NBEA: variants seen among roughly 807,000 people sequenced by gnomAD.
NBEA encodes neurobeachin, also known as lysosomal-trafficking regulator 2.
In NBEA, 44 loss-of-function variants were observed where a neutral mutation model predicts 343.4. The ratio of observed to expected loss-of-function variants is 0.13; its 90% CI spans 0.10 to 0.16. The LOEUF is 0.16. Ranked by LOEUF, NBEA falls within the 10% of genes least tolerant of loss-of-function variation. The probability of loss-of-function intolerance (pLI) is 1.00; values close to 1 mark genes in which losing one functional copy is unlikely to be tolerated. For synonymous variants in NBEA, 1,175 were observed against 1,238.7 expected (o/e 0.95, Z 1.08); for missense variants, 2,555 against 3,631.3 (o/e 0.70, Z 7.62).
intron 39 of NBEA, among the ~76,000 whole-genome samples, chr13:35,451,521 C>G (rs557003685): frequency 1.3e-5 from 2 of 152,280 alleles, no homozygotes; most frequent in South Asian, 2.1e-4. Flanking sequence ...TGTGAAGAAG[C>G]TTTTATGTCT....
At chr13:35,250,993 A>T (rs769795320) in intron 34 of NBEA, 1 of 153,890 alleles carries the variant, frequency 6.5e-6, no homozygotes, top group Non-Finnish European at 1.4e-5. Flanking sequence ...TCTAACGTTC[A>T]TGGGGGATGC....
chr13:35,511,999 C>T (rs986442090), intron 41 of NBEA, among the ~76,000 whole-genome samples: 15 of 152,088 alleles, frequency 9.9e-5, no homozygotes, highest in African/African-American at 2.4e-4. Flanking sequence ...ACTTTGTTTG[C>T]TTAAAGTATG....
intron 11 of NBEA, among the ~76,000 whole-genome samples, chr13:35,100,392 G>A (rs1481040421): frequency 1.3e-5 from 2 of 151,848 alleles, no homozygotes; most frequent in South Asian, 4.1e-4. Flanking sequence ...AAGAACTTAA[G>A]GTCCTTTGGC....
At chr13:35,385,331 T>A (rs1014980577) in intron 38 of NBEA, among the ~76,000 whole-genome samples, 1 of 152,186 alleles carries the variant, frequency 6.6e-6, no homozygotes. Context: ...GCATTTTGCT[T>A]CCACCTGGTT....
intron 41 of NBEA, among the ~76,000 whole-genome samples, chr13:35,499,487 A>G (rs1312401198): frequency 2.0e-5 from 3 of 152,034 alleles, no homozygotes; most frequent in Non-Finnish European, 1.5e-5. Context: ...CATGTGGGGA[A>G]TAATAGTAGA....
chr13:35,555,674 A>G (rs2079542357), intron 44 of NBEA, among the ~76,000 whole-genome samples: 2 of 152,120 alleles, frequency 1.3e-5, no homozygotes, highest in African/African-American at 4.8e-5. Context: ...GTGGTTAAAC[A>G]TGTCTATGAG....
intron 49 of NBEA, among the ~76,000 whole-genome samples, chr13:35,635,773 A>G (rs937218566): frequency 6.6e-6 from 1 of 152,248 alleles, no homozygotes; most frequent in Non-Finnish European, 1.5e-5. Flanking sequence ...AATGACACAC[A>G]TTTAATTTTG....
intron 41 of NBEA, among the ~76,000 whole-genome samples, chr13:35,535,176 C>A (rs1375545024): frequency 2.6e-5 from 4 of 152,150 alleles, no homozygotes; most frequent in African/African-American, 9.7e-5. Flanking sequence ...TACAGTTAAA[C>A]TGAGTTGCAT....
chr13:35,500,851 A>G (rs369641228), intron 41 of NBEA, among the ~76,000 whole-genome samples: 4 of 151,970 alleles, frequency 2.6e-5, no homozygotes, highest in African/African-American at 4.8e-5. Flanking sequence ...AGAGTTCACT[A>G]TAGTATTTTC....
intron 1 of NBEA, among the ~76,000 whole-genome samples, chr13:34,991,926 G>A (rs73167724): frequency 1.6e-3 from 237 of 148,926 alleles, no homozygotes; most frequent in Non-Finnish European, 2.9e-3. Flanking sequence ...TTTGGGTGTA[G>A]GAATTGGAAT....
intron 38 of NBEA, among the ~76,000 whole-genome samples, chr13:35,359,726 A>G (rs886321861): frequency 1.3e-5 from 2 of 151,774 alleles, no homozygotes; most frequent in Non-Finnish European, 2.9e-5. Flanking sequence ...TGTTTATTTT[A>G]GCTTTTTGGA....
At chr13:35,609,316 C>T (rs1278624501) in intron 48 of NBEA, among the ~76,000 whole-genome samples, 1 of 152,222 alleles carries the variant, frequency 6.6e-6, no homozygotes, top group Non-Finnish European at 1.5e-5. Context: ...GGCCACATTT[C>T]CTGCTAGAAG....
At chr13:35,305,359 C>G (rs1192177571) in intron 35 of NBEA, among the ~76,000 whole-genome samples, 1 of 152,186 alleles carries the variant, frequency 6.6e-6, no homozygotes, top group Non-Finnish European at 1.5e-5. Flanking sequence ...TTGTTTCAGT[C>G]TACCATTTCT....
At chr13:35,546,529 G>A (rs999615163) in intron 41 of NBEA, among the ~76,000 whole-genome samples, 3 of 150,988 alleles carry the variant, frequency 2.0e-5, no homozygotes, top group African/African-American at 7.3e-5. Context: ...AGGCAGCTGA[G>A]AGGAGTAGAT....
intron 39 of NBEA, among the ~76,000 whole-genome samples, chr13:35,446,785 TTAGA>T (rs1269204140): frequency 2.0e-5 from 3 of 152,018 alleles, no homozygotes; most frequent in Non-Finnish European, 2.9e-5. Context: ...TTGATATACA[TTAGA>T]TAGATACACA....
At chr13:35,087,070 C>G (rs2064810191) in intron 10 of NBEA, among the ~76,000 whole-genome samples, 1 of 151,650 alleles carries the variant, frequency 6.6e-6, no homozygotes, top group Non-Finnish European at 1.5e-5. Flanking sequence ...GAATAGTTAG[C>G]AGATATTTTC....
At chr13:34,981,696 C>G (rs1310436621) in intron 1 of NBEA, among the ~76,000 whole-genome samples, 3 of 149,688 alleles carry the variant, frequency 2.0e-5, no homozygotes, top group African/African-American at 7.3e-5. Flanking sequence ...TAGAATTCAC[C>G]AATAAAACAT....
intron 17 of NBEA, among the ~76,000 whole-genome samples, chr13:35,141,668 A>C (rs1377719061): frequency 6.6e-6 from 1 of 152,216 alleles, no homozygotes; most frequent in Non-Finnish European, 1.5e-5. Context: ...TTCTATCCTG[A>C]GTATGGGTGT....
chr13:34,959,317 CTGT>C (rs962169914), intron 1 of NBEA, among the ~76,000 whole-genome samples: 9 of 151,776 alleles, frequency 5.9e-5, no homozygotes, highest in Non-Finnish European at 1.0e-4. Flanking sequence ...TGTTTCATTG[CTGT>C]TGTTGTTGGA....
Sources: allele counts gnomAD v4.1 joint callset (sites outside exome capture counted in the v4.1 genomes callset), GRCh38; gene constraint gnomAD v4.1.1; transcripts MANE v1.5; gene names NCBI Gene and HGNC (gene_info 2026-07-23, HGNC 2026-07-21).